Variants in HIVEP1 observed in about 807,000 individuals in gnomAD.
HIVEP1 encodes the protein zinc finger protein 40.
In HIVEP1, 36 loss-of-function variants were observed where a neutral mutation model predicts 180.0. The ratio of observed to expected loss-of-function variants is 0.20; its 90% CI spans 0.15 to 0.26. The LOEUF (loss-of-function observed/expected upper bound fraction) is 0.26. HIVEP1 is among the 10% of genes least tolerant of loss of function. HIVEP1 has a pLI of 1.00. For synonymous variants in HIVEP1, 1,239 were observed against 1,239.0 expected (o/e 1.00, Z 0.00); for missense variants, 3,143 against 3,268.7 (o/e 0.96, Z 0.94).
intron 6 of HIVEP1, among the ~76,000 whole-genome samples, chr6:12,132,970 A>AT (rs1204773023): frequency 2.0e-5 from 3 of 152,034 alleles, no homozygotes; most frequent in Non-Finnish European, 4.4e-5. Flanking sequence ...TATGCCCCAG[A>AT]TTTTCACCTT....
intron 2 of HIVEP1, among the ~76,000 whole-genome samples, chr6:12,056,859 CAG>C (rs1770911601): frequency 1.3e-5 from 2 of 149,446 alleles, no homozygotes. Context: ...TTTTTTCAAA[CAG>C]AATCTTGCTT....
At chr6:12,211,634 G>A in the HIVEP1 span, among the ~76,000 whole-genome samples, 1 of 151,650 alleles carries the variant, frequency 6.6e-6, no homozygotes, top group Non-Finnish European at 1.5e-5. Flanking sequence ...TAAAAATGAT[G>A]CATTTTCACC....
At chr6:12,079,846 G>A (rs1312358405) in intron 2 of HIVEP1, among the ~76,000 whole-genome samples, 1 of 152,046 alleles carries the variant, frequency 6.6e-6, no homozygotes, top group East Asian at 1.9e-4. Flanking sequence ...TGCAAATTGT[G>A]CCTGGTGAAG....
Position 12,122,548 on chromosome 6 carries a change from C to T in HIVEP1, c.2753C>T (p.Ser918Phe). 1.2e-6 allele frequency: 2 copies of T among 1,614,176 alleles called. No homozygotes were observed. The highest frequency in any genetic ancestry group is 1.1e-5 in the South Asian group (1 of 91,084). Reference sequence around the variant, plus strand: ...AGTCATGTTCTTGGTACTGGACAGTCCCTGGATGAGAGCCACCAAGGATGC... The same window carrying T: ...AGTCATGTTCTTGGTACTGGACAGTTCCTGGATGAGAGCCACCAAGGATGC... ...NESHVLGTGQ[S>F]LDESHQGCHA... The change falls in exon 4 of 9, where the codon TCC becomes TTC. Residue 918 changes from serine (S) to phenylalanine (F), a missense_variant. Ser to Phe is a radical substitution (Grantham distance 155). Around this residue, in one of 12 missense-constraint regions of HIVEP1, gnomAD observed 204 missense variants for 243.7 expected, o/e 0.84. Transcript: ENST00000379388.
chr6:12,039,290 A>G (rs955927134), intron 2 of HIVEP1: 1 of 152,204 alleles, frequency 6.6e-6, no homozygotes, highest in Admixed American at 6.5e-5. Context: ...TTTCTCTACC[A>G]GTTTTCTCTC....
At chr6:12,083,119 A>G (rs192909603) in intron 2 of HIVEP1, among the ~76,000 whole-genome samples, 1 of 152,186 alleles carries the variant, frequency 6.6e-6, no homozygotes, top group Non-Finnish European at 1.5e-5. Context: ...GGCCTTCTTC[A>G]TAGACATATG....
At chr6:12,112,704 G>GGCT (rs1455206812) in intron 3 of HIVEP1, among the ~76,000 whole-genome samples, 1 of 152,098 alleles carries the variant, frequency 6.6e-6, no homozygotes, top group Non-Finnish European at 1.5e-5. Context: ...CCTAGCAGTG[G>GGCT]GCTGCTGCTG....
intron 6 of HIVEP1, among the ~76,000 whole-genome samples, chr6:12,134,482 A>C (rs1482181926): frequency 1.3e-5 from 2 of 152,234 alleles, no homozygotes; most frequent in Non-Finnish European, 2.9e-5. Context: ...ATTTATCAGG[A>C]AATTGAATAG....
intron 7 of HIVEP1, among the ~76,000 whole-genome samples, chr6:12,147,164 G>T (rs1759425825): frequency 6.6e-6 from 1 of 152,144 alleles, no homozygotes; most frequent in Non-Finnish European, 1.5e-5. Flanking sequence ...GGTAATAGAT[G>T]CTGTGCAGGG....
chr6:12,159,210 G>A (rs780601201), intron 7 of HIVEP1, among the ~76,000 whole-genome samples: 7 of 151,876 alleles, frequency 4.6e-5, no homozygotes, highest in South Asian at 2.1e-4. Context: ...GTGTGTGTGC[G>A]CGCGCGCGTG....
chr6:12,168,417 G>A (rs1055597960), downstream of HIVEP1, among the ~76,000 whole-genome samples: 1 of 138,912 alleles, frequency 7.2e-6, no homozygotes, highest in African/African-American at 2.6e-5. Flanking sequence ...ATATATTTTA[G>A]TGGCAATAAC....
Position 12,161,514 on chromosome 6 carries a change from A to G in HIVEP1, c.6563A>G (p.Asn2188Ser), listed in dbSNP as rs1352933526. 5.0e-6 allele frequency: 8 copies of G among 1,614,040 alleles called. No individual in the cohort carries two copies. In the African/African-American group the frequency reaches 5.3e-5, roughly 11 times the overall value. ...TCTGATGGCCCAGATGAGGATGACAATGAAAATGAAGACGATGATGAGGAC... is the reference window on the plus strand; with the variant it reads ...TCTGATGGCCCAGATGAGGATGACAGTGAAAATGAAGACGATGATGAGGAC... ...EESDGPDEDD[N>S]ENEDDDEDSQ... The change falls in exon 8 of 9, where the codon AAT (asparagine) becomes AGT (serine). Residue 2188 changes from asparagine to serine, a missense_variant. Physicochemically the swap from Asn to Ser is conservative, Grantham distance 46. Coordinates refer to ENST00000379388, the MANE Select transcript of HIVEP1 (RefSeq NM_002114.4).
chr6:12,067,791 G>A (rs777988714), intron 2 of HIVEP1, among the ~76,000 whole-genome samples: 11 of 152,020 alleles, frequency 7.2e-5, no homozygotes, highest in Non-Finnish European at 1.6e-4. Flanking sequence ...GGGAAGGGAA[G>A]GTATTAGGTT....
intron 2 of HIVEP1, among the ~76,000 whole-genome samples, chr6:12,021,259 G>A (rs555490578): frequency 2.6e-5 from 4 of 152,302 alleles, no homozygotes; most frequent in East Asian, 3.9e-4. Flanking sequence ...ACATGGGGTC[G>A]CTTTCCACGG....
At chr6:12,177,076 C>T in the HIVEP1 span, among the ~76,000 whole-genome samples, 3 of 152,182 alleles carry the variant, frequency 2.0e-5, no homozygotes, top group Non-Finnish European at 2.9e-5. Context: ...GAAAAACAAA[C>T]ACTGCATGCT....
intron 2 of HIVEP1, among the ~76,000 whole-genome samples, chr6:12,041,766 C>T (rs140753897): frequency 0.026 from 4,023 of 152,030 alleles, 81 homozygotes; most frequent in Middle Eastern, 0.071. Flanking sequence ...CAGGTTCAAG[C>T]AATTCTTCTG....
At chr6:12,044,386 T>G (rs1290598158) in intron 2 of HIVEP1, among the ~76,000 whole-genome samples, 3 of 152,036 alleles carry the variant, frequency 2.0e-5, no homozygotes, top group Admixed American at 6.6e-5. Context: ...AAAACAGCAG[T>G]TTTTTTTGTT....
At position 12,122,239 on chromosome 6, in the gene HIVEP1, C is replaced by A. The variant is rs773015246; in HGVS notation, c.2444C>A (p.Thr815Asn). The change falls in exon 4 of 9, where the codon ACC becomes AAC. Residue 815 changes from threonine to asparagine, a missense_variant. Around this residue, in one of 12 missense-constraint regions of HIVEP1, gnomAD observed 204 missense variants for 243.7 expected, o/e 0.84. Transcript: ENST00000379388. ...SSSDIPKSPFTPTEKSKQVFL... is the reference protein window; with the variant it reads ...SSSDIPKSPFNPTEKSKQVFL... ...TCTGATATACCGAAGTCACCTTTCACCCCTACTGAAAAATCAAAGCAAGTG... is the reference window on the plus strand; with the variant it reads ...TCTGATATACCGAAGTCACCTTTCAACCCTACTGAAAAATCAAAGCAAGTG... 6.2e-7 allele frequency: 1 copy of A among 1,614,192 alleles called. No homozygotes were observed. The highest frequency in any genetic ancestry group is 2.2e-5 in the East Asian group (1 of 44,892).
intron 3 of HIVEP1, among the ~76,000 whole-genome samples, chr6:12,100,612 A>G (rs943505821): frequency 1.3e-5 from 2 of 152,220 alleles, no homozygotes; most frequent in African/African-American, 4.8e-5. Context: ...AAGAGGATAT[A>G]AATTTGAAAG....
Sources: allele counts gnomAD v4.1 joint callset (sites outside exome capture counted in the v4.1 genomes callset), GRCh38; gene constraint gnomAD v4.1.1; regional missense constraint gnomAD v4.1.1; transcripts MANE v1.5; gene names NCBI Gene and HGNC (gene_info 2026-07-23, HGNC 2026-07-21).